Variants in SPACDR observed in about 807,000 individuals in gnomAD.
SPACDR encodes uncharacterized protein C7orf61.
chr7:100,458,711 AAGTCAGG>A, the SPACDR span, among the ~76,000 whole-genome samples: 1 of 152,168 alleles, frequency 6.6e-6, no homozygotes, highest in South Asian at 2.1e-4. Flanking sequence ...GGATCACCTG[AAGTCAGG>A]AGTTCCAGAC....
chr7:100,457,226 C>T, the SPACDR span, among the ~76,000 whole-genome samples: 1 of 151,216 alleles, frequency 6.6e-6, no homozygotes, highest in Non-Finnish European at 1.5e-5. Flanking sequence ...TGGTCTCGAA[C>T]TCCTGGGCTC....
the SPACDR span, chr7:100,456,737 G>A: frequency 2.2e-5 from 34 of 1,570,480 alleles, no homozygotes; most frequent in Admixed American, 1.8e-5. Context: ...ACTCTCTAAG[G>A]GTCTGGGGTT....
At chr7:100,464,171 G>A in the SPACDR span, 46 of 1,497,694 alleles carry the variant, frequency 3.1e-5, no homozygotes, top group Middle Eastern at 2.4e-4. Context: ...AGTAAAGAAA[G>A]AAGTAGGAAA....
chr7:100,461,697 A>T, the SPACDR span, among the ~76,000 whole-genome samples: 1 of 151,830 alleles, frequency 6.6e-6, no homozygotes, highest in Non-Finnish European at 1.5e-5. Context: ...TCTGTTAAGA[A>T]GGCCTTGCCT....
chr7:100,459,126 C>A, the SPACDR span, among the ~76,000 whole-genome samples: 8 of 150,076 alleles, frequency 5.3e-5, no homozygotes, highest in Admixed American at 2.0e-4. Context: ...GCCTCAGCCT[C>A]CCGAGTAGCT....
the SPACDR span, chr7:100,463,524 G>A: frequency 3.1e-6 from 5 of 1,614,030 alleles, no homozygotes; most frequent in Non-Finnish European, 3.4e-6. Flanking sequence ...GGATCTGCCA[G>A]CTCGGGGGAC....
At chr7:100,456,834 C>G in the SPACDR span, 1 of 1,613,296 alleles carries the variant, frequency 6.2e-7, no homozygotes, top group Non-Finnish European at 8.5e-7. Context: ...GTGGTGCCGT[C>G]TGTGCCTCTC....
At chr7:100,459,381 C>T in the SPACDR span, among the ~76,000 whole-genome samples, 1 of 151,704 alleles carries the variant, frequency 6.6e-6, no homozygotes, top group Non-Finnish European at 1.5e-5. Context: ...CAGCTCACTG[C>T]AACCTCCGCC....
chr7:100,462,222 TA>T, the SPACDR span, among the ~76,000 whole-genome samples: 1 of 152,264 alleles, frequency 6.6e-6, no homozygotes, highest in African/African-American at 2.4e-5. Context: ...TTTTATTATT[TA>T]TTTTTTTTGA....
the SPACDR span, among the ~76,000 whole-genome samples, chr7:100,459,752 G>A: frequency 2.6e-5 from 4 of 152,110 alleles, no homozygotes; most frequent in Admixed American, 2.6e-4. Context: ...GTGTGTCGCT[G>A]CTCCTGGCCA....
chr7:100,456,721 G>A, the SPACDR span: 11 of 1,477,712 alleles, frequency 7.4e-6, no homozygotes, highest in Non-Finnish European at 9.2e-6. Context: ...TAAGAGTGAG[G>A]TCAGGACTCT....
At chr7:100,460,660 C>CT in the SPACDR span, among the ~76,000 whole-genome samples, 1,445 of 144,100 alleles carry the variant, frequency 0.01, 14 homozygotes, top group Non-Finnish European at 8.2e-3. Context: ...ATCTATTTTC[C>CT]TTTTTTTTTT....
At chr7:100,461,716 G>A in the SPACDR span, among the ~76,000 whole-genome samples, 2 of 151,828 alleles carry the variant, frequency 1.3e-5, no homozygotes, top group Non-Finnish European at 2.9e-5. Context: ...CTGGCCGGGC[G>A]CAGTGGCTCA....
the SPACDR span, among the ~76,000 whole-genome samples, chr7:100,461,022 T>C: frequency 1.3e-5 from 2 of 152,268 alleles, no homozygotes; most frequent in Middle Eastern, 3.4e-3. Flanking sequence ...CAGCTGACTT[T>C]AGGCTTCAGG....
the SPACDR span, among the ~76,000 whole-genome samples, chr7:100,462,866 T>G: frequency 6.9e-6 from 1 of 145,334 alleles, no homozygotes. Flanking sequence ...TCCCAGCACT[T>G]TGGGAGGCTG....
At chr7:100,463,847 C>T in the SPACDR span, 54 of 1,342,238 alleles carry the variant, frequency 4.0e-5, no homozygotes, top group East Asian at 5.1e-4. Flanking sequence ...TTCCTCCCCA[C>T]TCCATCTTGT....
chr7:100,456,946 T>C, the SPACDR span: 41 of 1,613,388 alleles, frequency 2.5e-5, no homozygotes, highest in East Asian at 7.1e-4. Flanking sequence ...GGTGACTGCG[T>C]CCTCACTTGG....
At chr7:100,460,637 G>A in the SPACDR span, among the ~76,000 whole-genome samples, 8 of 151,070 alleles carry the variant, frequency 5.3e-5, no homozygotes, top group Admixed American at 1.3e-4. Flanking sequence ...CTGTTTTCCA[G>A]AGTTGCTGTG....
chr7:100,457,011 T>C, the SPACDR span: 2 of 1,562,416 alleles, frequency 1.3e-6, no homozygotes, highest in Non-Finnish European at 1.7e-6. Context: ...AAGATGTGCA[T>C]GCGTAAATAG....
Sources: gnomAD v4.1 joint callset for allele counts (sites outside exome capture counted in the v4.1 genomes callset) on GRCh38, gnomAD v4.1.1 for gene constraint, MANE v1.5 for transcripts, NCBI Gene and HGNC (gene_info 2026-07-23, HGNC 2026-07-21) for gene names.